Variants in UTRN observed in about 807,000 individuals in gnomAD.
UTRN encodes the protein utrophin.
A neutral mutation model predicts 463.9 loss-of-function variants in UTRN; 283 were observed. That is an observed-to-expected ratio of 0.61 (90% CI 0.55 to 0.67). The LOEUF is 0.67. Among genes scored for constraint, UTRN ranks in the 30% least tolerant of loss-of-function variants. The pLI, the probability that UTRN is intolerant of heterozygous loss-of-function variation, is 0.00. For missense variants in UTRN, 3,922 were observed against 4,084.3 expected (o/e 0.96, Z 1.08); for synonymous variants, 1,442 against 1,431.5 (o/e 1.01, Z -0.17).
chr6:144,702,400 G>A (rs937837412), intron 53 of UTRN, among the ~76,000 whole-genome samples: 6 of 152,094 alleles, frequency 3.9e-5, no homozygotes, highest in Non-Finnish European at 7.4e-5. Flanking sequence ...AATACAATTG[G>A]TTCATTTATT....
intron 51 of UTRN, among the ~76,000 whole-genome samples, chr6:144,610,595 C>T (rs1375062394): frequency 6.6e-6 from 1 of 152,138 alleles, no homozygotes; most frequent in Non-Finnish European, 1.5e-5. Context: ...CTAGACAAGC[C>T]CAGGCATGGT....
intron 27 of UTRN, among the ~76,000 whole-genome samples, chr6:144,484,642 C>G (rs1459500159): frequency 6.6e-6 from 1 of 151,596 alleles, no homozygotes; most frequent in Admixed American, 6.6e-5. Flanking sequence ...GGGGTTTCAC[C>G]ATGTTGGCCA....
intron 2 of UTRN, among the ~76,000 whole-genome samples, chr6:144,358,316 G>A (rs1778749848): frequency 1.3e-5 from 2 of 152,136 alleles, no homozygotes; most frequent in South Asian, 4.1e-4. Context: ...ATAACAGTGT[G>A]TATACACACA....
At chr6:144,531,445 A>G (rs1797048999) in intron 42 of UTRN, among the ~76,000 whole-genome samples, 1 of 152,208 alleles carries the variant, frequency 6.6e-6, no homozygotes, top group Non-Finnish European at 1.5e-5. Context: ...GTGAAAAACA[A>G]TTTTATTTAA....
intron 65 of UTRN, among the ~76,000 whole-genome samples, chr6:144,803,757 A>C (rs1777905321): frequency 6.6e-6 from 1 of 152,030 alleles, no homozygotes; most frequent in Non-Finnish European, 1.5e-5. Flanking sequence ...TTCTGATGTT[A>C]TAAATAACAC....
At chr6:144,402,591 C>T (rs1783022597) in intron 2 of UTRN, among the ~76,000 whole-genome samples, 1 of 152,102 alleles carries the variant, frequency 6.6e-6, no homozygotes, top group Non-Finnish European at 1.5e-5. Context: ...TCATTAAAAC[C>T]TCATGCCAAT....
chr6:144,831,364 G>C (rs1242112604), intron 69 of UTRN, among the ~76,000 whole-genome samples: 1 of 152,144 alleles, frequency 6.6e-6, no homozygotes, highest in East Asian at 1.9e-4. Context: ...AGAAGGAGAC[G>C]TAGCAATGGA....
intron 2 of UTRN, among the ~76,000 whole-genome samples, chr6:144,342,414 A>G (rs78967421): frequency 6.6e-6 from 1 of 152,134 alleles, no homozygotes; most frequent in Admixed American, 6.5e-5. Context: ...TGCCCACATC[A>G]AAAACGTGTA....
intron 51 of UTRN, among the ~76,000 whole-genome samples, chr6:144,647,549 G>A (rs774373262): frequency 2.6e-5 from 4 of 152,192 alleles, no homozygotes; most frequent in Non-Finnish European, 4.4e-5. Flanking sequence ...AAGAGTTGGC[G>A]ACAAATCATT....
At chr6:144,333,265 C>G (rs1463152402) in intron 2 of UTRN, 2 of 152,138 alleles carry the variant, frequency 1.3e-5, no homozygotes, top group Non-Finnish European at 2.9e-5. Context: ...TAATTCAATA[C>G]AGTCTTCCCA....
intron 54 of UTRN, among the ~76,000 whole-genome samples, chr6:144,736,721 C>T (rs937298108): frequency 3.9e-5 from 6 of 152,162 alleles, no homozygotes; most frequent in Admixed American, 2.6e-4. Context: ...TGAGCTCCTC[C>T]ACCTGGCACA....
intron 52 of UTRN, among the ~76,000 whole-genome samples, chr6:144,695,492 C>T (rs1157400322): frequency 6.6e-6 from 1 of 151,952 alleles, no homozygotes; most frequent in Non-Finnish European, 1.5e-5. Context: ...TACAGGCACC[C>T]GCCATTACGC....
chr6:144,387,441 C>T (rs1017030545), intron 2 of UTRN, among the ~76,000 whole-genome samples: 1 of 152,178 alleles, frequency 6.6e-6, no homozygotes, highest in Non-Finnish European at 1.5e-5. Flanking sequence ...GCCCGGCCTT[C>T]TTCCCATTTT....
At chr6:144,414,674 G>T (rs938759174) in intron 3 of UTRN, among the ~76,000 whole-genome samples, 1 of 151,056 alleles carries the variant, frequency 6.6e-6, no homozygotes, top group Non-Finnish European at 1.5e-5. Flanking sequence ...AGTCCTGTAC[G>T]CACCATTCAT....
intron 3 of UTRN, among the ~76,000 whole-genome samples, chr6:144,409,501 T>C (rs56396941): frequency 0.031 from 4,715 of 152,268 alleles, 151 homozygotes; most frequent in African/African-American, 0.078. Context: ...TGCTTTCCCA[T>C]TCAGCCTCTT....
chr6:144,381,139 C>A (rs1780876713), intron 2 of UTRN, among the ~76,000 whole-genome samples: 1 of 151,976 alleles, frequency 6.6e-6, no homozygotes, highest in Non-Finnish European at 1.5e-5. Flanking sequence ...GCCTAGTATC[C>A]ATTAGTTATT....
intron 51 of UTRN, among the ~76,000 whole-genome samples, chr6:144,599,685 T>C (rs1229999772): frequency 6.6e-6 from 1 of 152,192 alleles, no homozygotes; most frequent in Non-Finnish European, 1.5e-5. Context: ...TTGTAAAATG[T>C]AGTAGAAAGG....
intron 52 of UTRN, among the ~76,000 whole-genome samples, chr6:144,695,721 C>T (rs1447301629): frequency 6.6e-6 from 1 of 152,214 alleles, no homozygotes; most frequent in Non-Finnish European, 1.5e-5. Flanking sequence ...ATAAATTTCA[C>T]TTCAATCTGT....
intron 53 of UTRN, among the ~76,000 whole-genome samples, chr6:144,725,222 G>T (rs547935206): frequency 2.8e-4 from 42 of 152,348 alleles, no homozygotes; most frequent in African/African-American, 9.6e-4. Flanking sequence ...AGCACATGCT[G>T]TCTTGCCTCC....
Sources: gnomAD v4.1 joint callset for allele counts (sites outside exome capture counted in the v4.1 genomes callset) on GRCh38, gnomAD v4.1.1 for gene constraint, MANE v1.5 for transcripts, NCBI Gene and HGNC (gene_info 2026-07-23, HGNC 2026-07-21) for gene names.